Variants in KLRG1 observed in about 807,000 individuals in gnomAD.
KLRG1 encodes killer cell lectin like receptor G1, also known as killer cell lectin-like receptor subfamily G member 1.
Under a neutral mutation model 21.8 loss-of-function variants are expected in KLRG1, and 16 were observed. The observed-to-expected ratio is 0.73, with a 90% CI of 0.50 to 1.11. The LOEUF (loss-of-function observed/expected upper bound fraction) is 1.11. Among genes scored for constraint, KLRG1 ranks in the 50% most tolerant of loss-of-function variants. The pLI is 0.00. For synonymous variants in KLRG1, 69 were observed against 75.9 expected (o/e 0.91, Z 0.47); for missense variants, 173 against 218.3 (o/e 0.79, Z 1.31).
the KLRG1 span, among the ~76,000 whole-genome samples, chr12:9,214,302 G>T: frequency 6.6e-6 from 1 of 151,890 alleles, no homozygotes; most frequent in Non-Finnish European, 1.5e-5. Context: ...CTTCAACATT[G>T]TTGTGACTAA....
At chr12:9,082,680 G>A in the KLRG1 span, among the ~76,000 whole-genome samples, 5 of 152,120 alleles carry the variant, frequency 3.3e-5, no homozygotes, top group African/African-American at 1.2e-4. Context: ...AAAAGAAACT[G>A]GCCAAGCTCA....
the KLRG1 span, chr12:9,192,469 C>T: frequency 6.4e-7 from 1 of 1,557,710 alleles, no homozygotes; most frequent in Non-Finnish European, 8.8e-7. Context: ...CCACTTTTGT[C>T]CTACTGATAA....
At chr12:9,077,853 T>G in the KLRG1 span, 1 of 1,614,142 alleles carries the variant, frequency 6.2e-7, no homozygotes, top group South Asian at 1.1e-5. Flanking sequence ...ACAAAGGCTG[T>G]GAGCCTGACC....
chr12:9,204,137 A>C, the KLRG1 span, among the ~76,000 whole-genome samples: 1 of 152,192 alleles, frequency 6.6e-6, no homozygotes, highest in Non-Finnish European at 1.5e-5. Context: ...CTCATCAGCC[A>C]TGCCTCAGCC....
the KLRG1 span, chr12:9,107,494 A>G: frequency 1.9e-6 from 3 of 1,612,346 alleles, no homozygotes; most frequent in Non-Finnish European, 8.5e-7. Context: ...CTTTATCGCT[A>G]TTCTCTAGAA....
At chr12:8,998,342 C>T (rs964651300) in intron 3 of KLRG1, among the ~76,000 whole-genome samples, 3 of 151,132 alleles carry the variant, frequency 2.0e-5, no homozygotes, top group East Asian at 2.0e-4. Flanking sequence ...AAAAAAAATT[C>T]GGAGAATTAA....
At chr12:9,107,380 A>G in the KLRG1 span, 1 of 1,007,612 alleles carries the variant, frequency 9.9e-7, no homozygotes. Context: ...TGCTAAGTTC[A>G]TGATTTTTTT....
chr12:9,148,962 T>C, the KLRG1 span: 5 of 1,606,990 alleles, frequency 3.1e-6, no homozygotes, highest in African/African-American at 2.7e-5. Flanking sequence ...ATATACAGCC[T>C]GTATGGTCCT....
chr12:9,086,773 G>T, the KLRG1 span, among the ~76,000 whole-genome samples: 1 of 152,124 alleles, frequency 6.6e-6, no homozygotes, highest in East Asian at 1.9e-4. Flanking sequence ...AAGTAGCACT[G>T]GAAGTAGCAG....
At chr12:9,185,956 C>T in the KLRG1 span, among the ~76,000 whole-genome samples, 1 of 151,686 alleles carries the variant, frequency 6.6e-6, no homozygotes, top group Non-Finnish European at 1.5e-5. Flanking sequence ...TACAGGCGTG[C>T]ACCATCACAC....
intron 1 of KLRG1, among the ~76,000 whole-genome samples, chr12:8,984,355 G>T (rs779074038): frequency 2.6e-5 from 4 of 151,996 alleles, no homozygotes; most frequent in Admixed American, 2.6e-4. Flanking sequence ...GGCATGTGCC[G>T]CCAGGCCAGG....
chr12:9,053,449 G>A, the KLRG1 span, among the ~76,000 whole-genome samples: 2 of 152,026 alleles, frequency 1.3e-5, no homozygotes, highest in Non-Finnish European at 2.9e-5. Flanking sequence ...AAATGCTCGC[G>A]ACCCCACCAC....
the KLRG1 span, chr12:9,104,167 T>C: frequency 6.8e-7 from 1 of 1,475,474 alleles, no homozygotes; most frequent in Non-Finnish European, 9.1e-7. Flanking sequence ...GTTTGGAAAT[T>C]TTCTCACCCT....
At chr12:9,194,697 C>T in the KLRG1 span, among the ~76,000 whole-genome samples, 1 of 152,072 alleles carries the variant, frequency 6.6e-6, no homozygotes, top group Admixed American at 6.5e-5. Flanking sequence ...ATCGCCTGAC[C>T]TCGTGATCTG....
chr12:9,002,960 A>G (rs1013699112), intron 3 of KLRG1, among the ~76,000 whole-genome samples: 2 of 149,550 alleles, frequency 1.3e-5, no homozygotes, highest in Non-Finnish European at 3.0e-5. Context: ...CCATGAGTAC[A>G]TAGAATATAA....
chr12:9,045,951 G>A, the KLRG1 span, among the ~76,000 whole-genome samples: 11 of 152,260 alleles, frequency 7.2e-5, no homozygotes, highest in Non-Finnish European at 1.3e-4. Flanking sequence ...ATCAAACACC[G>A]CATATTCTCA....
chr12:8,967,471 C>G (rs1946495223), intron 1 of KLRG1, among the ~76,000 whole-genome samples: 2 of 152,056 alleles, frequency 1.3e-5, no homozygotes, highest in Admixed American at 1.3e-4. Context: ...CCTGTAATCC[C>G]AGCACTTTGG....
At chr12:8,978,640 TTTTCTTTC>T (rs202186076) in intron 1 of KLRG1, among the ~76,000 whole-genome samples, 10,955 of 107,706 alleles carry the variant, frequency 0.1, 503 homozygotes, top group African/African-American at 0.13. Context: ...TTTTTCTTTC[TTTTCTTTC>T]TTTCTTTCTT....
chr12:8,962,098 C>T (rs1298321023), intron 1 of KLRG1, among the ~76,000 whole-genome samples: 1 of 151,462 alleles, frequency 6.6e-6, no homozygotes, highest in Admixed American at 6.6e-5. Context: ...GCCAGGCTTG[C>T]TAAGAAGGAG....
Sources: gnomAD v4.1 joint callset for allele counts (sites outside exome capture counted in the v4.1 genomes callset) on GRCh38, gnomAD v4.1.1 for gene constraint, MANE v1.5 for transcripts, NCBI Gene and HGNC (gene_info 2026-07-23, HGNC 2026-07-21) for gene names.